CPS1: variants seen among roughly 807,000 people sequenced by gnomAD.
The protein encoded by CPS1 is carbamoyl-phosphate synthase 1, also known as carbamoyl-phosphate synthase [ammonia], mitochondrial.
In CPS1, 109 loss-of-function variants were observed where a neutral mutation model predicts 174.6. That is an observed-to-expected ratio of 0.62 (90% CI 0.53 to 0.73). CPS1 has a LOEUF of 0.73. Among genes scored for constraint, CPS1 ranks in the 30% least tolerant of loss-of-function variants. The pLI, the probability that CPS1 is intolerant of heterozygous loss-of-function variation, is 0.00. For missense variants in CPS1, 1,689 were observed against 1,821.9 expected, an observed-to-expected ratio of 0.93 and a Z score of 1.33; for synonymous variants, 637 against 632.0, an observed-to-expected ratio of 1.01 and a Z score of -0.12.
chr2:210,608,132 T>G (rs542688962), intron 18 of CPS1, among the ~76,000 whole-genome samples: 2 of 152,026 alleles, frequency 1.3e-5, no homozygotes, highest in Admixed American at 6.6e-5. Flanking sequence ...TAGCAATGCA[T>G]GTAGTGCACA....
intron 36 of CPS1, 64 bp from the exon 37 acceptor site, chr2:210,676,943 A>G (rs1436992319): frequency 6.6e-7 from 1 of 1,512,314 alleles, no homozygotes. Flanking sequence ...AATTTATGTT[A>G]GTATTTTATA....
At chr2:210,620,930 C>T (rs764632445) in intron 21 of CPS1, among the ~76,000 whole-genome samples, 6 of 152,016 alleles carry the variant, frequency 3.9e-5, no homozygotes, top group Non-Finnish European at 7.4e-5. Flanking sequence ...GTGCTTGCCC[C>T]CTCAGAACTC....
In CPS1 at chr2:210,678,846, A is replaced by G. The variant is rs895030275; in HGVS notation, c.*861A>G. On this transcript the variant is annotated 3_prime_UTR_variant, in exon 38 of 38. Transcript: ENST00000233072. ...TTAACTTGGCCCGAGTGAAATAATC[A>G]GATTTTTGTCATTCACACTCTCCCC... 3 of 152,214 alleles carry G rather than the reference A, an allele frequency of 2.0e-5. 1 individual carries two copies. In the South Asian group the frequency reaches 6.2e-4, roughly 32 times the overall value. The allele number at this position is 152,214 out of a possible 1,614,324, so 9.4% of individuals were successfully genotyped here.
At chr2:210,546,884 T>C (rs1043623005) in intron 1 of CPS1, among the ~76,000 whole-genome samples, 1 of 152,244 alleles carries the variant, frequency 6.6e-6, no homozygotes, top group African/African-American at 2.4e-5. Context: ...ATATTTTCTT[T>C]GGATAAATGT....
chr2:210,501,081 C>A (rs1336087653), intron 1 of CPS1, among the ~76,000 whole-genome samples: 1 of 152,182 alleles, frequency 6.6e-6, no homozygotes, highest in African/African-American at 2.4e-5. Flanking sequence ...ATGGCCAGAG[C>A]TGTACCTTGG....
chr2:210,602,711 G>T (rs999429299), intron 16 of CPS1, among the ~76,000 whole-genome samples: 1 of 151,906 alleles, frequency 6.6e-6, no homozygotes, highest in Non-Finnish European at 1.5e-5. Context: ...AGGACATAAT[G>T]TCTCATTTTT....
intron 1 of CPS1, among the ~76,000 whole-genome samples, chr2:210,531,013 T>G (rs1294713249): frequency 6.6e-6 from 1 of 152,104 alleles, no homozygotes; most frequent in Admixed American, 6.6e-5. Flanking sequence ...AAGTATTGTT[T>G]AAATACTTTG....
chr2:210,487,643 C>T (rs1323959057), intron 1 of CPS1, among the ~76,000 whole-genome samples: 1 of 152,032 alleles, frequency 6.6e-6, no homozygotes, highest in African/African-American at 2.4e-5. Flanking sequence ...GACTTGATGT[C>T]CTTATGTTTA....
rs186676111 is a variant in CPS1 at position 210,661,290 on chromosome 2, A to G, written c.3927+635A>G. Among the ~76,000 whole-genome samples the G allele has an allele frequency of 2.6e-5, 4 of 152,326 alleles. No homozygotes were observed. In the East Asian group the frequency reaches 5.8e-4, roughly 22 times the overall value. On this transcript the variant is annotated intron_variant, in intron 32 of 37. Transcript: ENST00000233072. The stretch of plus-strand genomic sequence containing the variant: ...ATTGTGATCTCCTAGCTGCATCAGT[A>G]TGATGGTGCACAGAATTATGACCTT...
At chr2:210,607,207 C>T (rs1234209816) in intron 18 of CPS1, among the ~76,000 whole-genome samples, 1 of 151,966 alleles carries the variant, frequency 6.6e-6, no homozygotes, top group Non-Finnish European at 1.5e-5. Context: ...TGTGAAAAAT[C>T]TGCTTCCTAA....
At chr2:210,636,509 T>C (rs1233497239) in intron 21 of CPS1, among the ~76,000 whole-genome samples, 3 of 152,048 alleles carry the variant, frequency 2.0e-5, no homozygotes, top group African/African-American at 7.2e-5. Flanking sequence ...GGCCAGATAA[T>C]GTGGTAGATT....
At chr2:210,624,899 A>G (rs1699649321) in intron 21 of CPS1, among the ~76,000 whole-genome samples, 2 of 152,162 alleles carry the variant, frequency 1.3e-5, no homozygotes, top group Admixed American at 1.3e-4. Flanking sequence ...ATAAGAATAT[A>G]CAACTTAAAA....
At chr2:210,566,821 G>A (rs921506321) in intron 1 of CPS1, among the ~76,000 whole-genome samples, 3 of 151,840 alleles carry the variant, frequency 2.0e-5, no homozygotes, top group South Asian at 4.2e-4. Context: ...TATTCAGTAC[G>A]TTCATGTTAA....
chr2:210,521,920 C>G (rs1296370350), intron 1 of CPS1, among the ~76,000 whole-genome samples: 1 of 151,844 alleles, frequency 6.6e-6, no homozygotes, highest in Non-Finnish European at 1.5e-5. Context: ...AAGCATTGTT[C>G]TAGGTCACAG....
intron 1 of CPS1, among the ~76,000 whole-genome samples, chr2:210,542,484 A>T (rs566676428): frequency 6.6e-6 from 1 of 152,262 alleles, no homozygotes; most frequent in Non-Finnish European, 1.5e-5. Flanking sequence ...ACAAACCTTC[A>T]GTAAGAGAAG....
chr2:210,608,439 G>A lies in CPS1; in HGVS notation c.2271G>A (p.Lys757=), dbSNP rs2105852726. The A allele has an allele frequency of 2.5e-6, 4 of 1,612,566 alleles. No individual in the cohort carries two copies. Among genetic ancestry groups the A allele is most frequent in the South Asian group, 1.1e-5 (1 of 91,058 alleles). The part of the protein sequence containing the change: ...LPEIKNVVSG[K]TSACFEPSLD... ...AAATTAAGAACGTCGTATCCGGGAA[G>A]ACATCAGCCTGTTTTGAACCTAGCC... is the stretch of plus-strand genomic sequence containing the variant. The change falls in exon 19 of 38, where the codon AAG becomes AAA. Residue 757 remains lysine, a synonymous_variant. Transcript: ENST00000233072.
chr2:210,567,148 T>C (rs1216975951), intron 1 of CPS1, among the ~76,000 whole-genome samples: 1 of 152,138 alleles, frequency 6.6e-6, no homozygotes, highest in Non-Finnish European at 1.5e-5. Flanking sequence ...TTAAGAAGTG[T>C]TAACGCTTTA....
Position 210,519,639 on chromosome 2 carries a change from G to T in CPS1, c.4-37080G>T, listed in dbSNP as rs1014706079. On this transcript the variant is annotated intron_variant, in intron 1 of 38. Transcript: ENST00000430249. ...CCTGCCCTACATGGATTTTGAACTT[G>T]AATTCCCAGCCTCGCTTGCATCTAG... The T allele has an allele frequency of 7.0e-5, 34 of 485,604 alleles. No homozygotes were observed. In the African/African-American group the frequency reaches 7.2e-4, roughly 10 times the overall value. The allele number at this position is 485,604 out of a possible 1,614,324, so 30.1% of individuals were successfully genotyped here.
rs545498010 is a variant in CPS1 at position 210,490,105 on chromosome 2, C to A, written c.3+12339C>A. Among the ~76,000 whole-genome samples the A allele has an allele frequency of 2.6e-4, 39 of 151,972 alleles. No homozygotes were observed. In the East Asian group the frequency reaches 7.5e-3, roughly 29 times the overall value. On this transcript the variant is annotated intron_variant, in intron 1 of 38. Coordinates refer to the CPS1 transcript ENST00000430249. ...GATGAAGAAAGAAATAAACATATTTCACTTTATACACAGCCTTGCTTCAGT... is the reference window on the plus strand; with the variant it reads ...GATGAAGAAAGAAATAAACATATTTAACTTTATACACAGCCTTGCTTCAGT...
Sources: gnomAD v4.1 joint callset for allele counts (sites outside exome capture counted in the v4.1 genomes callset) on GRCh38, gnomAD v4.1.1 for gene constraint, MANE v1.5 for transcripts, NCBI Gene and HGNC (gene_info 2026-07-23, HGNC 2026-07-21) for gene names.